WASF2: variants seen among roughly 807,000 people sequenced by gnomAD.
The protein encoded by WASF2 is WASP family member 2.
WASF2 carries 14 observed loss-of-function variants against 45.0 expected under a neutral mutation model. The ratio of observed to expected loss-of-function variants is 0.31; its 90% CI spans 0.21 to 0.49. The LOEUF (loss-of-function observed/expected upper bound fraction) is 0.49. Ranked by LOEUF, WASF2 falls within the 20% of genes least tolerant of loss-of-function variation. The pLI is 0.99. For synonymous variants in WASF2, 200 were observed against 236.3 expected (o/e 0.85, Z 1.41); for missense variants, 439 against 636.1 (o/e 0.69, Z 3.33).
rs375887997 is a variant in WASF2 at position 27,430,475 on chromosome 1, C to T, written c.-43-1542G>A. 2.1e-4 allele frequency among the ~76,000 whole-genome samples: 32 copies of T among 152,240 alleles called. No homozygotes were observed. In the South Asian group the frequency reaches 6.0e-3, roughly 29 times the overall value. On this transcript the variant is annotated intron_variant, in intron 1 of 8. Transcript: ENST00000618852. ...TACTGGGCTCAAGCGATCCTCCTGC[C>T]TCAGCCTCCCAAGTAGTTAGGATTA...
At chr1:27,458,250 T>C (rs1243370084) in intron 1 of WASF2, among the ~76,000 whole-genome samples, 1 of 137,316 alleles carries the variant, frequency 7.3e-6, no homozygotes, top group Non-Finnish European at 1.5e-5. Flanking sequence ...GCGGCGGAGG[T>C]TGCAATGAGC....
intron 1 of WASF2, among the ~76,000 whole-genome samples, chr1:27,434,263 G>A (rs534443954): frequency 1.3e-5 from 2 of 152,280 alleles, no homozygotes; most frequent in Non-Finnish European, 2.9e-5. Context: ...GAAGGTGTTG[G>A]AAAGTCAGAC....
At chr1:27,431,463 A>C (rs2017062136) in intron 1 of WASF2, among the ~76,000 whole-genome samples, 1 of 152,216 alleles carries the variant, frequency 6.6e-6, no homozygotes, top group Non-Finnish European at 1.5e-5. Flanking sequence ...AGGTGTCCTT[A>C]GATTCCCAAA....
intron 1 of WASF2, among the ~76,000 whole-genome samples, chr1:27,464,767 C>A (rs546432176): frequency 4.6e-5 from 7 of 152,328 alleles, no homozygotes; most frequent in Admixed American, 4.6e-4. Flanking sequence ...CTCGCTCTGT[C>A]GCCCAGACTG....
At chr1:27,411,752 A>C (rs552577320) in intron 7 of WASF2, among the ~76,000 whole-genome samples, 25 of 152,244 alleles carry the variant, frequency 1.6e-4, no homozygotes, top group African/African-American at 4.8e-4. Flanking sequence ...AGTCCCAGCT[A>C]CTCGAGAAGC....
At chr1:27,470,422 T>C (rs1465531682) in intron 1 of WASF2, among the ~76,000 whole-genome samples, 1 of 151,790 alleles carries the variant, frequency 6.6e-6, no homozygotes. Flanking sequence ...TAAAATGCAG[T>C]AGTGGGAGGA....
chr1:27,444,511 C>A (rs2017287324), intron 1 of WASF2, among the ~76,000 whole-genome samples: 1 of 152,128 alleles, frequency 6.6e-6, no homozygotes, highest in Admixed American at 6.5e-5. Flanking sequence ...TTTATATGGA[C>A]CTACCTCCTA....
chr1:27,409,220 C>T (rs1362621174), intron 8 of WASF2, among the ~76,000 whole-genome samples: 2 of 151,760 alleles, frequency 1.3e-5, no homozygotes, highest in South Asian at 2.1e-4. Context: ...GTCAGGAGAT[C>T]AAGACCATCC....
chr1:27,462,228 G>A (rs1368946372), intron 1 of WASF2, among the ~76,000 whole-genome samples: 1 of 151,524 alleles, frequency 6.6e-6, no homozygotes, highest in Non-Finnish European at 1.5e-5. Flanking sequence ...TGCCCACCTT[G>A]GCCTCCCAAA....
chr1:27,448,700 G>A (rs961673741), intron 1 of WASF2, among the ~76,000 whole-genome samples: 3 of 151,872 alleles, frequency 2.0e-5, no homozygotes, highest in East Asian at 3.9e-4. Context: ...GAATTAGTCA[G>A]GTGTGGTGAT....
Position 27,410,101 on chromosome 1 carries a change from T to C in WASF2, c.930A>G (p.Pro310=). 6.2e-7 allele frequency: 1 copy of C among 1,613,582 alleles called. No individual in the cohort carries two copies. Residue 310 remains proline, a synonymous_variant, in exon 8 of 9, where the codon CCA becomes CCG. Transcript: ENST00000618852. The surrounding 1 kb of genome is among the most constrained non-coding windows in gnomAD (Gnocchi z 4.2). ...PPPAPPLGSP[P]GPKPGFAPPP... ...GTGGAGCAAACCCGGGTTTAGGGCC[T>C]GGTGGAGAGCCTAGAGGAGGAGCTG...
At position 27,409,926 on chromosome 1, in the gene WASF2, G is replaced by A; in HGVS notation, c.1105C>T (p.Pro369Ser). Residue 369 changes from proline (P) to serine (S), a missense_variant, in exon 8 of 9, where the codon CCA becomes TCA. By Grantham distance (74) the Pro-to-Ser change is moderately conservative (BLOSUM62 -1). Coordinates refer to ENST00000618852, the MANE Select transcript of WASF2 (RefSeq NM_006990.5). Reference protein sequence around the residue: ...PDFAAPPPPPPPPAADYPTLP... With the variant: ...PDFAAPPPPPSPPAADYPTLP... ...GTTGGGTAGTCAGCTGCTGGTGGTG[G>A]AGGAGGAGGTGGAGGGGCAGCAAAA... The A allele has an allele frequency of 6.2e-7, 1 of 1,600,378 alleles. No individual in the cohort carries two copies. The highest frequency in any genetic ancestry group is 1.1e-5 in the South Asian group (1 of 88,110).
At chr1:27,466,220 T>C (rs1395486891) in intron 1 of WASF2, among the ~76,000 whole-genome samples, 2 of 152,216 alleles carry the variant, frequency 1.3e-5, no homozygotes, top group Admixed American at 1.3e-4. Flanking sequence ...AAAGTAAACT[T>C]TTTCTTTTTT....
intron 4 of WASF2, 97 bp from the exon 5 acceptor site, chr1:27,416,199 C>A (rs574230270): frequency 1.9e-4 from 192 of 996,290 alleles, no homozygotes; most frequent in Non-Finnish European, 2.9e-4. Context: ...GTTTTTACAC[C>A]AAGGAATCAA....
intron 2 of WASF2, among the ~76,000 whole-genome samples, chr1:27,422,540 A>C (rs1417353562): frequency 7.0e-6 from 1 of 143,544 alleles, no homozygotes; most frequent in African/African-American, 2.6e-5. Context: ...AATTGCATGA[A>C]CCCAGGAGGC....
At chr1:27,442,368 AC>A (rs1389505985) in intron 1 of WASF2, among the ~76,000 whole-genome samples, 2 of 151,752 alleles carry the variant, frequency 1.3e-5, no homozygotes, top group Non-Finnish European at 2.9e-5. Flanking sequence ...ATATGGTAAA[AC>A]CCCGTCTCTA....
intron 1 of WASF2, among the ~76,000 whole-genome samples, chr1:27,455,733 G>A (rs192792973): frequency 2.0e-5 from 3 of 152,058 alleles, no homozygotes; most frequent in Admixed American, 6.6e-5. Flanking sequence ...TGTGATTAAC[G>A]CTTCCCGGCC....
At chr1:27,420,514 C>CTT (rs782294669) in intron 2 of WASF2, among the ~76,000 whole-genome samples, 2,841 of 82,466 alleles carry the variant, frequency 0.034, 200 homozygotes, top group African/African-American at 0.044. Context: ...ACCATCTGAG[C>CTT]TTTTTTTTTT....
At chr1:27,466,197 C>A (rs1384034614) in intron 1 of WASF2, among the ~76,000 whole-genome samples, 2 of 152,064 alleles carry the variant, frequency 1.3e-5, no homozygotes, top group Admixed American at 1.3e-4. Flanking sequence ...CCCAGGGTAA[C>A]CAAAGAGTTG....
Sources: gnomAD v4.1 joint callset for allele counts (sites outside exome capture counted in the v4.1 genomes callset) on GRCh38, gnomAD v4.1.1 for gene constraint, Gnocchi (gnomAD v3.1) non-coding constraint, MANE v1.5 for transcripts, NCBI Gene and HGNC (gene_info 2026-07-23, HGNC 2026-07-21) for gene names.